CNTN6: variants seen among roughly 807,000 people sequenced by gnomAD.
CNTN6 encodes contactin 6.
In CNTN6, 137 loss-of-function variants were observed where a neutral mutation model predicts 122.8. The observed-to-expected ratio is 1.12, with a 90% CI of 0.97 to 1.29. The LOEUF (loss-of-function observed/expected upper bound fraction) is 1.29, where lower values mean the gene tolerates loss of function less well. CNTN6 is among the 50% of genes most tolerant of loss of function. CNTN6 has a pLI of 0.00. For missense variants in CNTN6, 1,634 were observed against 1,223.4 expected (o/e 1.34, Z -5.01); for synonymous variants, 570 against 426.0 (o/e 1.34, Z -4.16).
chr3:1,268,421 T>C (rs535360454), intron 4 of CNTN6, among the ~76,000 whole-genome samples: 61 of 152,128 alleles, frequency 4.0e-4, no homozygotes, highest in East Asian at 2.9e-3. Context: ...TCCTGGTTAA[T>C]GTGGTGAAAC....
chr3:1,117,308 T>C (rs1485200585), intron 1 of CNTN6, among the ~76,000 whole-genome samples: 1 of 152,156 alleles, frequency 6.6e-6, no homozygotes, highest in East Asian at 1.9e-4. Context: ...AAGAACATGG[T>C]AGCCAGAGAG....
chr3:1,258,069 C>T (rs902179681), intron 4 of CNTN6, among the ~76,000 whole-genome samples: 1 of 152,090 alleles, frequency 6.6e-6, no homozygotes. Flanking sequence ...AAATCAGTCC[C>T]CTCCAAGTTG....
intron 2 of CNTN6, among the ~76,000 whole-genome samples, chr3:1,199,615 CTT>C (rs1337322150): frequency 6.6e-6 from 1 of 152,006 alleles, no homozygotes; most frequent in Non-Finnish European, 1.5e-5. Context: ...CAATTAAAAA[CTT>C]TGTTCTCTCT....
chr3:1,093,031 T>C lies in CNTN6; in HGVS notation c.-172T>C, dbSNP rs2090325263. 3.4e-5 allele frequency: 12 copies of C among 351,560 alleles called. No homozygotes were observed. The highest frequency in any genetic ancestry group is 5.2e-4 in the Middle Eastern group (1 of 1,918). The allele number at this position is 351,560 out of a possible 1,614,324, so 21.8% of individuals were successfully genotyped here. The stretch of plus-strand genomic sequence containing the variant: ...CAGCTGCATAGACATTCCATACGGC[T>C]TGGTTCTGCCTGGACGCACAGCATG... On this transcript the variant is annotated 5_prime_UTR_variant, in exon 1 of 23. Transcript: ENST00000446702.
chr3:1,162,379 G>C (rs2093155467), intron 2 of CNTN6, among the ~76,000 whole-genome samples: 1 of 151,602 alleles, frequency 6.6e-6, no homozygotes, highest in South Asian at 2.1e-4. Context: ...CTACATTTGG[G>C]GTTGTACAGC....
intron 1 of CNTN6, among the ~76,000 whole-genome samples, chr3:1,125,267 A>G (rs1559358851): frequency 6.6e-6 from 1 of 151,970 alleles, no homozygotes; most frequent in Non-Finnish European, 1.5e-5. Context: ...TGTTTGATTC[A>G]GTATCTGTGC....
At chr3:1,301,196 C>T (rs1311334383) in intron 7 of CNTN6, among the ~76,000 whole-genome samples, 1 of 151,930 alleles carries the variant, frequency 6.6e-6, no homozygotes, top group African/African-American at 2.4e-5. Context: ...GCCACCACAC[C>T]CAGCTAATTT....
At chr3:1,173,355 AC>A (rs1390633381) in intron 2 of CNTN6, 1 of 455,204 alleles carries the variant, frequency 2.2e-6, no homozygotes, top group African/African-American at 2.0e-5. Context: ...AGCTGCCTTT[AC>A]TAAGCTTTAC....
chr3:1,345,670 C>A (rs142735481), intron 11 of CNTN6, among the ~76,000 whole-genome samples: 2 of 151,972 alleles, frequency 1.3e-5, no homozygotes, highest in African/African-American at 4.8e-5. Flanking sequence ...AAACAGATTC[C>A]GGTGGGACAT....
At chr3:1,388,743 G>C (rs1244137530) in intron 20 of CNTN6, among the ~76,000 whole-genome samples, 2 of 149,176 alleles carry the variant, frequency 1.3e-5, no homozygotes, top group Non-Finnish European at 3.0e-5. Context: ...TGAAAACCAA[G>C]GCTCGAGAAC....
chr3:1,119,873 T>A (rs889170834), intron 1 of CNTN6, among the ~76,000 whole-genome samples: 2 of 152,072 alleles, frequency 1.3e-5, no homozygotes, highest in Admixed American at 6.6e-5. Context: ...ACTTTCACAC[T>A]TTTTTGAAGT....
At chr3:1,179,907 CCTT>C (rs2093522105) in intron 2 of CNTN6, among the ~76,000 whole-genome samples, 1 of 152,168 alleles carries the variant, frequency 6.6e-6, no homozygotes, top group African/African-American at 2.4e-5. Flanking sequence ...GAACCACATT[CCTT>C]CTTTACTAAT....
At position 1,235,446 on chromosome 3, in the gene CNTN6, T is replaced by TATAA. The variant is rs528178554; in HGVS notation, c.358+7461_358+7464dup. Reference sequence around the variant, plus strand: ...CAAATATTTCTATTGTTTATTTATATATAAATAAATATATAATACATATAA... The same window carrying TATAA: ...CAAATATTTCTATTGTTTATTTATATATAAATAAATAAATATATAATACATATAA... On this transcript the variant is annotated intron_variant, in intron 4 of 22. Transcript: ENST00000446702. Among the ~76,000 whole-genome samples, 1,445 of 150,814 alleles carry TATAA rather than the reference T, an allele frequency of 9.6e-3. 27 individuals are homozygous for TATAA. Among genetic ancestry groups the TATAA allele is most frequent in the African/African-American group, 0.033 (1,360 of 41,294 alleles).
chr3:1,165,450 T>C (rs189720835), intron 2 of CNTN6, among the ~76,000 whole-genome samples: 6 of 152,168 alleles, frequency 3.9e-5, no homozygotes, highest in African/African-American at 7.2e-5. Flanking sequence ...CAGAACCAGA[T>C]AGATTCTTCT....
At chr3:1,310,001 A>G (rs1035904237) in intron 7 of CNTN6, among the ~76,000 whole-genome samples, 3 of 152,180 alleles carry the variant, frequency 2.0e-5, no homozygotes, top group Non-Finnish European at 2.9e-5. Context: ...TTGCCTTGCT[A>G]TAAGCACTTA....
At chr3:1,110,420 C>T (rs1367382827) in intron 1 of CNTN6, among the ~76,000 whole-genome samples, 1 of 151,978 alleles carries the variant, frequency 6.6e-6, no homozygotes, top group East Asian at 1.9e-4. Context: ...CTTAGGATTC[C>T]ATAAACTTTT....
chr3:1,325,572 A>G (rs1262643445), intron 8 of CNTN6, among the ~76,000 whole-genome samples: 2 of 151,828 alleles, frequency 1.3e-5, no homozygotes, highest in African/African-American at 4.8e-5. Flanking sequence ...GTTGTTATAC[A>G]GGTGGAGCAA....
chr3:1,334,519 C>A (rs1261739887), intron 11 of CNTN6, among the ~76,000 whole-genome samples: 1 of 151,920 alleles, frequency 6.6e-6, no homozygotes, highest in East Asian at 1.9e-4. Flanking sequence ...CAATAGAGAA[C>A]CTTAGCCCAA....
intron 4 of CNTN6, among the ~76,000 whole-genome samples, chr3:1,263,488 G>A (rs906380731): frequency 6.6e-6 from 1 of 152,078 alleles, no homozygotes; most frequent in Non-Finnish European, 1.5e-5. Flanking sequence ...TATTGGAAGC[G>A]AGTTCATTCG....
Sources: gnomAD v4.1 joint callset for allele counts (sites outside exome capture counted in the v4.1 genomes callset) on GRCh38, gnomAD v4.1.1 for gene constraint, MANE v1.5 for transcripts, NCBI Gene and HGNC (gene_info 2026-07-23, HGNC 2026-07-21) for gene names.